The following RBMS3 variants were observed in gnomAD, a reference collection of about 807,000 sequenced individuals.
RBMS3 encodes RNA-binding motif, single-stranded-interacting protein 3.
A neutral mutation model predicts 66.8 loss-of-function variants in RBMS3; 27 were observed. That is an observed-to-expected ratio of 0.40 (90% CI 0.30 to 0.56). The LOEUF (loss-of-function observed/expected upper bound fraction) is 0.56. Among genes scored for constraint, RBMS3 ranks in the 20% least tolerant of loss-of-function variants. The pLI, the probability that RBMS3 is intolerant of heterozygous loss-of-function variation, is 0.40. For synonymous variants in RBMS3, 188 were observed against 183.0 expected (o/e 1.03, Z -0.22); for missense variants, 513 against 549.5 (o/e 0.93, Z 0.66).
At chr3:29,805,701 T>A (rs905940850) in intron 6 of RBMS3, among the ~76,000 whole-genome samples, 6 of 152,118 alleles carry the variant, frequency 3.9e-5, no homozygotes, top group African/African-American at 1.2e-4. Context: ...TTAAGAAAAT[T>A]TTTTTGTACA....
Position 29,575,589 on chromosome 3 carries a change from C to T in RBMS3, c.308-11525C>T, listed in dbSNP as rs569464475. Among the ~76,000 whole-genome samples the T allele has an allele frequency of 1.2e-4, 19 of 152,212 alleles. No individual in the cohort carries two copies. The South Asian group carries it at 3.9e-3, about 32-fold the overall frequency. The stretch of plus-strand genomic sequence containing the variant: ...GATATTGTCCCTTTGCATAAACTTT[C>T]TACACATAACTCTTTCTCTACCTCA... On this transcript the variant is annotated intron_variant, in intron 3 of 14. Coordinates refer to ENST00000383767, the MANE Select transcript of RBMS3 (RefSeq NM_001003793.3).
Position 29,763,003 on chromosome 3 carries a change from T to A in RBMS3, c.637+14T>A, listed in dbSNP as rs765691266. The A allele has an allele frequency of 4.7e-5, 73 of 1,546,124 alleles. No homozygotes were observed. The South Asian group carries it at 7.9e-4, about 17-fold the overall frequency. On this transcript the variant is annotated intron_variant, in intron 6 of 14. Transcript: ENST00000383767. ...CAGGCATCCCAGGTAAGAAATTCAC[T>A]AATAAGTGACTGAATGATGCCGAGG...
chr3:29,893,143 G>A (rs1435780902), intron 8 of RBMS3, among the ~76,000 whole-genome samples: 5 of 151,390 alleles, frequency 3.3e-5, no homozygotes, highest in Non-Finnish European at 5.9e-5. Flanking sequence ...ACGGTATGCC[G>A]ATTCTGTTCT....
chr3:29,350,090 G>A (rs1051716963), intron 1 of RBMS3, among the ~76,000 whole-genome samples: 1 of 151,572 alleles, frequency 6.6e-6, no homozygotes, highest in African/African-American at 2.4e-5. Flanking sequence ...AACCTGGGAG[G>A]CGGAGGTTGC....
At chr3:29,368,847 G>A (rs1485496191) in intron 1 of RBMS3, among the ~76,000 whole-genome samples, 3 of 151,876 alleles carry the variant, frequency 2.0e-5, no homozygotes, top group Non-Finnish European at 2.9e-5. Flanking sequence ...AATATAAATC[G>A]GTCTACATAC....
intron 3 of RBMS3, among the ~76,000 whole-genome samples, chr3:29,489,328 C>A (rs1345692523): frequency 6.6e-6 from 1 of 152,014 alleles, no homozygotes; most frequent in African/African-American, 2.4e-5. Flanking sequence ...GTATATGTAT[C>A]TCCTCACCTA....
At chr3:29,596,809 C>T (rs2047961415) in intron 4 of RBMS3, among the ~76,000 whole-genome samples, 7 of 152,186 alleles carry the variant, frequency 4.6e-5, no homozygotes, top group Non-Finnish European at 1.5e-5. Context: ...AGTGGGGCTT[C>T]ATGAATCTTT....
chr3:29,972,732 A>G (rs987042540), intron 12 of RBMS3, among the ~76,000 whole-genome samples: 1 of 152,082 alleles, frequency 6.6e-6, no homozygotes, highest in African/African-American at 2.4e-5. Context: ...GAGACCATCA[A>G]AAGGAAATGT....
chr3:29,997,249 C>T (rs1285574955), intron 14 of RBMS3, among the ~76,000 whole-genome samples: 1 of 152,094 alleles, frequency 6.6e-6, no homozygotes, highest in Non-Finnish European at 1.5e-5. Flanking sequence ...AGACCAATAA[C>T]AGGAACTGAA....
intron 12 of RBMS3, among the ~76,000 whole-genome samples, chr3:29,945,527 T>A (rs1695250593): frequency 1.3e-5 from 2 of 151,688 alleles, no homozygotes; most frequent in African/African-American, 4.8e-5. Flanking sequence ...TATCTTAACA[T>A]GCCAATTTCA....
At chr3:29,876,489 C>A (rs529834532) in intron 7 of RBMS3, among the ~76,000 whole-genome samples, 4 of 152,074 alleles carry the variant, frequency 2.6e-5, no homozygotes, top group Non-Finnish European at 2.9e-5. Flanking sequence ...ATTTATAGAG[C>A]CTCTGCAATG....
At chr3:29,701,606 G>T (rs544629527) in intron 4 of RBMS3, among the ~76,000 whole-genome samples, 1 of 152,060 alleles carries the variant, frequency 6.6e-6, no homozygotes, top group Non-Finnish European at 1.5e-5. Context: ...CTGGGGCTGC[G>T]CGCGTCGTTC....
At chr3:29,302,436 G>T (rs781461276) in intron 1 of RBMS3, among the ~76,000 whole-genome samples, 1 of 151,838 alleles carries the variant, frequency 6.6e-6, no homozygotes, top group African/African-American at 2.4e-5. Context: ...ACCCTCCCTG[G>T]CTCTGGTGAC....
intron 4 of RBMS3, among the ~76,000 whole-genome samples, chr3:29,730,572 T>A (rs2054087706): frequency 6.6e-6 from 1 of 152,184 alleles, no homozygotes; most frequent in African/African-American, 2.4e-5. Context: ...GCTGTCTTCA[T>A]GTCATTTCCA....
chr3:29,939,895 T>TC (rs2061349793), intron 11 of RBMS3, among the ~76,000 whole-genome samples: 2 of 151,954 alleles, frequency 1.3e-5, no homozygotes, highest in South Asian at 4.1e-4. Context: ...CTCAGACATC[T>TC]CAAAGTCACC....
intron 6 of RBMS3, among the ~76,000 whole-genome samples, chr3:29,785,025 A>G (rs907691881): frequency 1.3e-5 from 2 of 151,844 alleles, no homozygotes. Flanking sequence ...TGAAATGGTA[A>G]TTTTAAAATT....
At chr3:29,638,502 T>G (rs886427306) in intron 4 of RBMS3, among the ~76,000 whole-genome samples, 1 of 151,870 alleles carries the variant, frequency 6.6e-6, no homozygotes, top group Non-Finnish European at 1.5e-5. Flanking sequence ...CTCTCACAGC[T>G]GAAAAATTAC....
chr3:30,001,987 C>A (rs1363103253), intron 14 of RBMS3, among the ~76,000 whole-genome samples: 1 of 151,914 alleles, frequency 6.6e-6, no homozygotes, highest in Non-Finnish European at 1.5e-5. Flanking sequence ...GAATTCAGTT[C>A]TTTGAAATGG....
Position 29,686,705 on chromosome 3 carries a change from A to G in RBMS3, c.400-53015A>G, listed in dbSNP as rs575246580. ...AAAAAATTCAAAAACAAATAATTAC[A>G]AAGAATAGGAAATTAATTAAATATA... On this transcript the variant is annotated intron_variant, in intron 4 of 14. Transcript: ENST00000383767. Among the ~76,000 whole-genome samples the G allele has an allele frequency of 3.9e-5, 6 of 152,334 alleles. No individual in the cohort carries two copies. In the South Asian group the frequency reaches 1.2e-3, roughly 32 times the overall value.
Sources: gnomAD v4.1 joint callset for allele counts (sites outside exome capture counted in the v4.1 genomes callset) on GRCh38, gnomAD v4.1.1 for gene constraint, MANE v1.5 for transcripts, NCBI Gene and HGNC (gene_info 2026-07-23, HGNC 2026-07-21) for gene names.